CCDC60: variants seen among roughly 807,000 people sequenced by gnomAD.
CCDC60 encodes coiled-coil domain containing 60.
Under a neutral mutation model 63.5 loss-of-function variants are expected in CCDC60, and 54 were observed. The ratio of observed to expected loss-of-function variants is 0.85; its 90% CI spans 0.68 to 1.07. CCDC60 has a LOEUF of 1.07. Among genes scored for constraint, CCDC60 ranks in the 50% least tolerant of loss-of-function variants. CCDC60 has a pLI of 0.00. For missense variants in CCDC60, 651 were observed against 684.3 expected, an observed-to-expected ratio of 0.95 and a Z score of 0.54; for synonymous variants, 206 against 238.8, an observed-to-expected ratio of 0.86 and a Z score of 1.27.
In CCDC60 at chr12:119,523,837, CCATT is replaced by C. The variant is rs1190979983; in HGVS notation, c.1229+26_1229+29del. ...TCATGAAGTAAGCGCACATATATAT[CCATT>C]CATTCAAACAGCATTCACTGGGTAC... On this transcript the variant is annotated intron_variant, in intron 11 of 13. Coordinates refer to ENST00000327554, the MANE Select transcript of CCDC60 (RefSeq NM_178499.5). 6.2e-7 allele frequency: 1 copy of C among 1,612,910 alleles called. No homozygotes were observed. Among genetic ancestry groups the C allele is most frequent in the Non-Finnish European group, 8.5e-7 (1 of 1,179,348 alleles).
At chr12:119,502,120 A>G (rs529362629) in intron 6 of CCDC60, among the ~76,000 whole-genome samples, 14 of 152,192 alleles carry the variant, frequency 9.2e-5, no homozygotes, top group Non-Finnish European at 2.9e-5. Flanking sequence ...AGTGTGATAC[A>G]GTAGGGAGTG....
At chr12:119,482,097 T>TAC (rs1251628668) in intron 4 of CCDC60, among the ~76,000 whole-genome samples, 18 of 144,852 alleles carry the variant, frequency 1.2e-4, no homozygotes, top group Admixed American at 2.1e-4. Flanking sequence ...TATATATATA[T>TAC]ACACATATAT....
At chr12:119,401,725 A>G (rs1305046826) in intron 1 of CCDC60, among the ~76,000 whole-genome samples, 1 of 152,242 alleles carries the variant, frequency 6.6e-6, no homozygotes, top group Non-Finnish European at 1.5e-5. Context: ...GATATCATAC[A>G]AATATTCAAC....
intron 2 of CCDC60, among the ~76,000 whole-genome samples, chr12:119,464,972 C>G (rs7311782): frequency 0.013 from 2,034 of 152,304 alleles, 39 homozygotes; most frequent in African/African-American, 0.046. Context: ...CTGCTGATTC[C>G]AAGTGTTTGA....
At chr12:119,478,292 G>GT (rs1951223450) in intron 3 of CCDC60, among the ~76,000 whole-genome samples, 1 of 151,956 alleles carries the variant, frequency 6.6e-6, no homozygotes, top group South Asian at 2.1e-4. Context: ...TCCAGCCTGG[G>GT]TGACAGTGAG....
intron 1 of CCDC60, among the ~76,000 whole-genome samples, chr12:119,353,070 G>A (rs557488738): frequency 6.6e-6 from 1 of 152,270 alleles, no homozygotes; most frequent in East Asian, 1.9e-4. Flanking sequence ...TGAGAGGGTG[G>A]AGTGGGGGTG....
At chr12:119,341,741 A>G (rs1012429901) in intron 1 of CCDC60, among the ~76,000 whole-genome samples, 3 of 152,218 alleles carry the variant, frequency 2.0e-5, no homozygotes, top group African/African-American at 7.2e-5. Context: ...GTAAAGTCAC[A>G]TAGTGAGGTC....
rs977825651 is a variant in CCDC60, at chr12:119,428,716, A to G, written c.124A>G (p.Met42Val). Residue 42 changes from methionine (M) to valine (V), a missense_variant, in exon 2 of 14, where the codon ATG becomes GTG. Coordinates refer to ENST00000327554, the MANE Select transcript of CCDC60 (RefSeq NM_178499.5). ...PDKPMKSIKY[M>V]DKEIINLKKD... ...CAAGCCAATGAAGAGCATCAAGTAT[A>G]TGGACAAGGAAATAATAAACCTCAA... 1 of 1,607,758 alleles carries G rather than the reference A, an allele frequency of 6.2e-7. No homozygotes were observed. The highest frequency in any genetic ancestry group is 1.3e-5 in the African/African-American group (1 of 74,970).
At chr12:119,351,875 T>G (rs1955659862) in intron 1 of CCDC60, among the ~76,000 whole-genome samples, 1 of 152,224 alleles carries the variant, frequency 6.6e-6, no homozygotes, top group Admixed American at 6.5e-5. Context: ...TGTTCCAAAC[T>G]CTGCCTATTA....
intron 1 of CCDC60, among the ~76,000 whole-genome samples, chr12:119,399,409 C>T (rs746876542): frequency 2.0e-5 from 3 of 152,204 alleles, no homozygotes; most frequent in Non-Finnish European, 4.4e-5. Flanking sequence ...ATTAAGGGAC[C>T]TTTACAGTTC....
chr12:119,497,068 G>A (rs540800585), intron 5 of CCDC60, among the ~76,000 whole-genome samples: 1 of 152,252 alleles, frequency 6.6e-6, no homozygotes, highest in Admixed American at 6.5e-5. Context: ...CCATCAACGA[G>A]GCAGAAAAAG....
At chr12:119,340,972 T>G (rs1179649295) in intron 1 of CCDC60, among the ~76,000 whole-genome samples, 1 of 152,222 alleles carries the variant, frequency 6.6e-6, no homozygotes, top group Non-Finnish European at 1.5e-5. Context: ...ACTCATGACT[T>G]AAGCCAGGAA....
At chr12:119,436,352 T>TG (rs1356376439) in intron 2 of CCDC60, among the ~76,000 whole-genome samples, 1 of 152,024 alleles carries the variant, frequency 6.6e-6, no homozygotes, top group African/African-American at 2.4e-5. Context: ...GCACAGAGGT[T>TG]GAAACACTAA....
rs146478143 is a variant in CCDC60 at position 119,410,003 on chromosome 12, C to G, written c.91-18680C>G. On this transcript the variant is annotated intron_variant, in intron 1 of 13. Transcript: ENST00000327554. The surrounding 1 kb of genome is among the most constrained non-coding windows in gnomAD (Gnocchi z 4.0). ...CAGCCTCTTAGCCACCACTCTTGTTCCCAGATTCAGCTCCAAAGACTCAAG... is the reference window on the plus strand; with the variant it reads ...CAGCCTCTTAGCCACCACTCTTGTTGCCAGATTCAGCTCCAAAGACTCAAG... Among the ~76,000 whole-genome samples, 1 of 152,294 alleles carries G rather than the reference C, an allele frequency of 6.6e-6. No individual in the cohort carries two copies. The highest frequency in any genetic ancestry group is 1.9e-4 in the East Asian group (1 of 5,178).
intron 2 of CCDC60, among the ~76,000 whole-genome samples, chr12:119,464,418 CCCTT>C (rs1950915405): frequency 6.6e-6 from 1 of 151,618 alleles, no homozygotes; most frequent in South Asian, 2.1e-4. Context: ...CTCCCTCCCT[CCCTT>C]CCATCTTTCC....
In CCDC60 at chr12:119,536,272, T is replaced by A. The variant is rs1305186924; in HGVS notation, c.1552-4342T>A. Among the ~76,000 whole-genome samples the A allele has an allele frequency of 3.3e-5, 5 of 152,288 alleles. No individual in the cohort carries two copies. The Middle Eastern group carries it at 0.01, about 311-fold the overall frequency. On this transcript the variant is annotated intron_variant, in intron 13 of 13. Transcript: ENST00000327554. The stretch of plus-strand genomic sequence containing the variant: ...TTTTGCTTTCCATTTGCTTGGTACA[T>A]CTTCCTCCATCCCTTTATTTTGAGC...
At chr12:119,478,591 A>G (rs973677217) in intron 3 of CCDC60, among the ~76,000 whole-genome samples, 1 of 147,824 alleles carries the variant, frequency 6.8e-6, no homozygotes, top group Non-Finnish European at 1.5e-5. Context: ...TATATACTCC[A>G]TAAGGCAGGG....
At chr12:119,516,441 G>A (rs140360378) in intron 7 of CCDC60, among the ~76,000 whole-genome samples, 182 bp from the exon 8 acceptor site, 1 of 152,296 alleles carries the variant, frequency 6.6e-6, no homozygotes, top group East Asian at 1.9e-4. Flanking sequence ...GCGTGGCATG[G>A]TCAGATTTGC....
intron 1 of CCDC60, among the ~76,000 whole-genome samples, chr12:119,383,151 A>C (rs1463670317): frequency 6.6e-6 from 1 of 152,222 alleles, no homozygotes; most frequent in East Asian, 1.9e-4. Flanking sequence ...GCCCACACCT[A>C]TAATCCCAGC....
Sources: allele counts gnomAD v4.1 joint callset (sites outside exome capture counted in the v4.1 genomes callset), GRCh38; gene constraint gnomAD v4.1.1; non-coding constraint Gnocchi (gnomAD v3.1); transcripts MANE v1.5; gene names NCBI Gene and HGNC (gene_info 2026-07-23, HGNC 2026-07-21).